The following FREM3 variants were observed in gnomAD, a reference collection of about 807,000 sequenced individuals.
The protein encoded by FREM3 is FRAS1 related extracellular matrix 3, also known as FRAS1-related extracellular matrix protein 3.
A neutral mutation model predicts 129.1 loss-of-function variants in FREM3; 105 were observed. That is an observed-to-expected ratio of 0.81 (90% confidence interval 0.69 to 0.96). The LOEUF (loss-of-function observed/expected upper bound fraction) is 0.96, where lower values mean the gene tolerates loss of function less well. Among genes scored for constraint, FREM3 ranks in the 40% least tolerant of loss-of-function variants. The pLI, the probability that FREM3 is intolerant of heterozygous loss-of-function variation, is 0.00. For missense variants in FREM3, 2,593 were observed against 2,666.3 expected (o/e 0.97, Z 0.61); for synonymous variants, 1,014 against 1,044.9 (o/e 0.97, Z 0.57).
rs1740558388 is a variant in FREM3 at position 143,695,910 on chromosome 4, C to T, written c.4766G>A (p.Gly1589Asp). 2 of 1,537,578 alleles carry T rather than the reference C, an allele frequency of 1.3e-6. No individual in the cohort carries two copies. The highest frequency in any genetic ancestry group is 2.0e-5 in the Admixed American group (1 of 50,966). ...VPMHGKILYN[G>D]SRPVTTFTKQ... ...GGTGAAAGTGGTCACGGGACGGCTA[C>T]CATTGTACAAAATCTTGCCATGCAT... Residue 1589 changes from glycine to aspartate, a missense_variant, in exon 1 of 8, where the codon GGT (glycine) becomes GAT (aspartate). Gly to Asp is a moderately conservative substitution (Grantham distance 94). Around this residue, in one of 2 missense-constraint regions of FREM3, gnomAD observed 2,276 missense variants for 2,267.2 expected, o/e 1.00. Coordinates refer to ENST00000329798, the MANE Select transcript of FREM3 (RefSeq NM_001168235.2).
intron 2 of FREM3, among the ~76,000 whole-genome samples, chr4:143,656,924 G>A (rs1235732346): frequency 5.3e-5 from 8 of 152,032 alleles, no homozygotes; most frequent in Non-Finnish European, 8.8e-5. Context: ...GGAAGGCAAA[G>A]CCCCAGAAGT....
chr4:143,590,450 A>AAGGG (rs1738337725), intron 6 of FREM3, among the ~76,000 whole-genome samples: 5 of 152,086 alleles, frequency 3.3e-5, no homozygotes, highest in Non-Finnish European at 5.9e-5. Context: ...AGCATGAAGC[A>AAGGG]TTGTTGAATT....
At position 143,577,870 on chromosome 4, in the gene FREM3, G is replaced by A; in HGVS notation, c.6179-18C>T. The stretch of plus-strand genomic sequence containing the variant: ...TGTTCCAGCTAGTGAAAAAGGAAAA[G>A]GCACTGGTGAGACAGTAGGATTTGT... On this transcript the variant is annotated intron_variant, in intron 7 of 7. Coordinates refer to ENST00000329798, the MANE Select transcript of FREM3 (RefSeq NM_001168235.2). 6.5e-7 allele frequency: 1 copy of A among 1,531,718 alleles called. No individual in the cohort carries two copies. The highest frequency in any genetic ancestry group is 8.7e-7 in the Non-Finnish European group (1 of 1,144,624). 94.9% of individuals were successfully genotyped at this position (1,531,718 alleles called of 1,614,324 possible).
intron 2 of FREM3, among the ~76,000 whole-genome samples, chr4:143,640,523 A>G (rs1156253002): frequency 2.0e-5 from 3 of 152,176 alleles, no homozygotes; most frequent in Non-Finnish European, 4.4e-5. Flanking sequence ...ATACAAAATT[A>G]GCTGGGCGTG....
Position 143,624,097 on chromosome 4 carries a change from G to A in FREM3, c.5653+11C>T. On this transcript the variant is annotated intron_variant, in intron 4 of 7. Transcript: ENST00000329798. The stretch of plus-strand genomic sequence containing the variant: ...ACTGGTTAATAAAGCAAATCAATCA[G>A]TGTCACATACCATCTCCAGGGTCTA... 7.0e-7 allele frequency: 1 copy of A among 1,435,940 alleles called. No individual in the cohort carries two copies. Among genetic ancestry groups the A allele is most frequent in the Non-Finnish European group, 9.5e-7 (1 of 1,054,630 alleles). 88.9% of individuals were successfully genotyped at this position (1,435,940 alleles called of 1,614,324 possible).
intron 2 of FREM3, among the ~76,000 whole-genome samples, chr4:143,688,834 T>C (rs1740414768): frequency 1.3e-5 from 2 of 152,120 alleles, no homozygotes; most frequent in Admixed American, 6.5e-5. Context: ...TGTAGGCAAA[T>C]GAAACTGGAT....
chr4:143,696,131 C>G lies in FREM3; in HGVS notation c.4545G>C (p.Val1515=). ...TGAACACAGGGTAGAGTTCGCCGAT[C>G]ACTTGAAATTCGAAGCTGTCCATCT... ...EKKMDSFEFQ[V]IGELYPVFRT... is the part of the protein sequence containing the mutation. The change falls in exon 1 of 8, where the codon GTG becomes GTC. Residue 1515 remains valine, a synonymous_variant. Transcript: ENST00000329798. 6 of 1,537,552 alleles carry G rather than the reference C, an allele frequency of 3.9e-6. No individual in the cohort carries two copies. The highest frequency in any genetic ancestry group is 3.5e-6 in the Non-Finnish European group (4 of 1,146,974).
intron 2 of FREM3, among the ~76,000 whole-genome samples, chr4:143,631,103 C>T (rs1220607590): frequency 2.6e-5 from 4 of 152,114 alleles, no homozygotes; most frequent in Admixed American, 2.6e-4. Flanking sequence ...AAATGGCTCC[C>T]TGGTGTATTG....
At position 143,677,524 on chromosome 4, in the gene FREM3, G is replaced by A. The variant is rs780743661; in HGVS notation, c.5275+15589C>T. Among the ~76,000 whole-genome samples, 6 of 152,220 alleles carry A rather than the reference G, an allele frequency of 3.9e-5. No individual in the cohort carries two copies. The East Asian group carries it at 5.8e-4, about 15-fold the overall frequency. The stretch of plus-strand genomic sequence containing the variant: ...TGAAACACCAAAAGCAATGGCAACA[G>A]AAGCCAAAATTGACAAATGGGATCT... On this transcript the variant is annotated intron_variant, in intron 2 of 7. Transcript: ENST00000329798.
chr4:143,672,740 A>G (rs184830898), intron 2 of FREM3, among the ~76,000 whole-genome samples: 62 of 152,344 alleles, frequency 4.1e-4, no homozygotes, highest in Admixed American at 2.2e-3. Flanking sequence ...AATCAGACAT[A>G]AATTTGGTCT....
chr4:143,668,808 C>CT (rs1253655213), intron 2 of FREM3, among the ~76,000 whole-genome samples: 1 of 152,204 alleles, frequency 6.6e-6, no homozygotes, highest in Non-Finnish European at 1.5e-5. Flanking sequence ...GTCACTCCTA[C>CT]TTTTTTGTAA....
chr4:143,652,815 G>A (rs1178552951), intron 2 of FREM3, among the ~76,000 whole-genome samples: 3 of 152,120 alleles, frequency 2.0e-5, no homozygotes, highest in Non-Finnish European at 2.9e-5. Context: ...TTTTTATAGA[G>A]ATGGGGTTTT....
chr4:143,592,733 C>T (rs1336086318), intron 6 of FREM3, among the ~76,000 whole-genome samples: 1 of 152,158 alleles, frequency 6.6e-6, no homozygotes, highest in African/African-American at 2.4e-5. Context: ...AGTTGCTCTT[C>T]TCAAGGAGTA....
chr4:143,595,889 G>GGA (rs750809003), intron 6 of FREM3, among the ~76,000 whole-genome samples: 40 of 110,660 alleles, frequency 3.6e-4, no homozygotes, highest in Admixed American at 7.0e-4. Context: ...CGCCATCTCA[G>GGA]AAAAAAAAAA....
At chr4:143,638,141 A>C (rs1739264974) in intron 2 of FREM3, among the ~76,000 whole-genome samples, 1 of 152,182 alleles carries the variant, frequency 6.6e-6, no homozygotes, top group Non-Finnish European at 1.5e-5. Context: ...AGGACAGCGG[A>C]AACAGTGTGA....
In FREM3 at chr4:143,586,030, A is replaced by G. The variant is rs569481217; in HGVS notation, c.6029-37T>C. 53 of 1,534,898 alleles carry G rather than the reference A, an allele frequency of 3.5e-5. No individual in the cohort carries two copies. In the African/African-American group the frequency reaches 7.0e-4, roughly 20 times the overall value. ...AAAAAAGATACACTAAGAATGCTTC[A>G]GCCTGCCTGGTATACTGTCTCCTTT... On this transcript the variant is annotated intron_variant, in intron 6 of 7. Transcript: ENST00000329798.
At position 143,695,708 on chromosome 4, in the gene FREM3, G is replaced by T. The variant is rs1740553032; in HGVS notation, c.4968C>A (p.Asp1656Glu). 2.6e-6 allele frequency: 4 copies of T among 1,537,120 alleles called. No individual in the cohort carries two copies. Among genetic ancestry groups the T allele is most frequent in the Non-Finnish European group, 3.5e-6 (4 of 1,146,926 alleles). ...TGGTAGTAATCTGGGGAAGCCTATT[G>T]TCTAATGATCTTATCTGGACCCTCA... ...QVMRVQIRSL[D>E]NRLPQITTNR... Residue 1656 changes from aspartate to glutamate, a missense_variant, in exon 1 of 8, where the codon GAC becomes GAA. By Grantham distance (45) the Asp-to-Glu change is conservative. Transcript: ENST00000329798.
intron 2 of FREM3, among the ~76,000 whole-genome samples, chr4:143,683,457 G>C (rs544581627): frequency 6.6e-6 from 1 of 152,250 alleles, no homozygotes; most frequent in African/African-American, 2.4e-5. Flanking sequence ...TTTACCTGCA[G>C]CTGAGTCAGT....
chr4:143,699,968 C>G lies in FREM3; in HGVS notation c.708G>C (p.Arg236Ser). 1 of 1,511,222 alleles carries G rather than the reference C, an allele frequency of 6.6e-7. No individual in the cohort carries two copies. The highest frequency in any genetic ancestry group is 8.8e-7 in the Non-Finnish European group (1 of 1,131,822). The allele number at this position is 1,511,222 out of a possible 1,614,324, so 93.6% of individuals were successfully genotyped here. A position where few individuals can be genotyped will look rare whatever the true frequency, so the allele number is the denominator to read the frequency against. ...AAGCCTCACAGTCTACGCCCTTGCC[C>G]CTGGGGAGAGGGGCCCCCACCGCGT... is the stretch of plus-strand genomic sequence containing the variant. The part of the protein sequence containing the change: ...LVDAVGAPLP[R>S]GKGVDCEAFL... Residue 236 changes from arginine to serine, a missense_variant, in exon 1 of 8, where the codon AGG becomes AGC. Coordinates refer to ENST00000329798, the MANE Select transcript of FREM3 (RefSeq NM_001168235.2). This position sits in a 1 kb window ranked among gnomAD's most constrained non-coding sequence, Gnocchi z 4.2.
Sources: allele counts gnomAD v4.1 joint callset (sites outside exome capture counted in the v4.1 genomes callset), GRCh38; gene constraint gnomAD v4.1.1; regional missense constraint gnomAD v4.1.1; non-coding constraint Gnocchi (gnomAD v3.1); transcripts MANE v1.5; gene names NCBI Gene and HGNC (gene_info 2026-07-23, HGNC 2026-07-21).